Variants in SPATA45 observed in about 807,000 individuals in gnomAD.
SPATA45 encodes spermatogenesis associated 45.
In SPATA45, 5 loss-of-function variants were observed where a neutral mutation model predicts 7.0. The observed-to-expected ratio is 0.71, with a 90% CI of 0.37 to 1.50. The LOEUF is 1.50. SPATA45 is among the 40% of genes most tolerant of loss of function. The pLI, the probability that SPATA45 is intolerant of heterozygous loss-of-function variation, is 0.03. For synonymous variants in SPATA45, 40 were observed against 38.7 expected, an observed-to-expected ratio of 1.03 and a Z score of -0.13; for missense variants, 111 against 114.9, an observed-to-expected ratio of 0.97 and a Z score of 0.16.
intron 1 of SPATA45, among the ~76,000 whole-genome samples, chr1:212,837,313 C>T (rs1173276015): frequency 6.6e-6 from 1 of 151,440 alleles, no homozygotes; most frequent in Non-Finnish European, 1.5e-5. Context: ...GTTACTTTCC[C>T]AATAAGTATC....
At chr1:212,843,928 C>T (rs528993411) in intron 1 of SPATA45, among the ~76,000 whole-genome samples, 1 of 152,182 alleles carries the variant, frequency 6.6e-6, no homozygotes, top group East Asian at 1.9e-4. Flanking sequence ...CTCAATATCT[C>T]CCTCCATTAT....
intron 1 of SPATA45, among the ~76,000 whole-genome samples, chr1:212,844,547 T>G (rs377695607): frequency 1.1e-4 from 17 of 152,272 alleles, no homozygotes; most frequent in African/African-American, 3.8e-4. Flanking sequence ...AGTTCCACCA[T>G]GCCTAATCGC....
At chr1:212,846,440 A>G (rs1202589462) in intron 1 of SPATA45, among the ~76,000 whole-genome samples, 1 of 152,210 alleles carries the variant, frequency 6.6e-6, no homozygotes, top group Non-Finnish European at 1.5e-5. Flanking sequence ...GTACGTATAC[A>G]TCTAGATGGT....
At position 212,836,169 on chromosome 1, in the gene SPATA45, T is replaced by A; in HGVS notation, c.-20A>T. 1.3e-6 allele frequency: 2 copies of A among 1,580,942 alleles called. No homozygotes were observed. The highest frequency in any genetic ancestry group is 1.3e-5 in the African/African-American group (1 of 74,132). On this transcript the variant is annotated 5_prime_UTR_variant, in exon 2 of 3. Coordinates refer to ENST00000332912, the MANE Select transcript of SPATA45 (RefSeq NM_001024601.3). The stretch of plus-strand genomic sequence containing the variant: ...TGCCATTATGGTCACAAACCAATTG[T>A]CAAGTGATTCTTGCTGTCCTACAAA...
At position 212,847,249 on chromosome 1, in the gene SPATA45, G is replaced by A. The variant is rs192238595; in HGVS notation, c.-39+331C>T. Among the ~76,000 whole-genome samples the A allele has an allele frequency of 7.9e-5, 12 of 152,210 alleles. 1 individual carries two copies. The East Asian group carries it at 9.6e-4, about 12-fold the overall frequency. On this transcript the variant is annotated intron_variant, in intron 1 of 2. Transcript: ENST00000332912. ...TAGATCCTCATTACTCATTGATTAC[G>A]TATTTGCAAATTTGGCTACTCCCTA... is the stretch of plus-strand genomic sequence containing the variant.
rs532142083 is a variant in SPATA45 at position 212,841,738 on chromosome 1, G to A, written c.-38-5551C>T. 2.7e-4 allele frequency among the ~76,000 whole-genome samples: 41 copies of A among 150,806 alleles called. No individual in the cohort carries two copies. In the South Asian group the frequency reaches 8.1e-3, roughly 30 times the overall value. The stretch of plus-strand genomic sequence containing the variant: ...AAATAAAATAATAAAAAATAAAAAG[G>A]TCAGTTTGTCAAGTGCCTATTTTTG... On this transcript the variant is annotated intron_variant, in intron 1 of 2. Coordinates refer to ENST00000332912, the MANE Select transcript of SPATA45 (RefSeq NM_001024601.3).
At chr1:212,846,130 T>C (rs551838106) in intron 1 of SPATA45, among the ~76,000 whole-genome samples, 19 of 152,218 alleles carry the variant, frequency 1.2e-4, no homozygotes, top group African/African-American at 4.6e-4. Flanking sequence ...CAAAACCACA[T>C]CCAGGTCATC....
Position 212,830,150 on chromosome 1 carries a change from G to T in SPATA45, c.*92C>A. 1.1e-6 allele frequency: 1 copy of T among 938,426 alleles called. No individual in the cohort carries two copies. Among genetic ancestry groups the T allele is most frequent in the South Asian group, 1.6e-5 (1 of 61,976 alleles). The allele number at this position is 938,426 out of a possible 1,614,324, so 58.1% of individuals were successfully genotyped here. A position where few individuals can be genotyped will look rare whatever the true frequency, so the allele number is the denominator to read the frequency against. ...GGGATCTAGTGAATACTTTTGTTTAGCTTTGTTTATAATTAATAATTTGTA... is the reference window on the plus strand; with the variant it reads ...GGGATCTAGTGAATACTTTTGTTTATCTTTGTTTATAATTAATAATTTGTA... On this transcript the variant is annotated 3_prime_UTR_variant, in exon 3 of 3. Coordinates refer to ENST00000332912, the MANE Select transcript of SPATA45 (RefSeq NM_001024601.3).
intron 2 of SPATA45, among the ~76,000 whole-genome samples, chr1:212,831,473 TAA>T (rs200413225): frequency 5.7e-4 from 69 of 121,354 alleles, no homozygotes; most frequent in Non-Finnish European, 6.4e-4. Flanking sequence ...ACTCTGCCTC[TAA>T]AAAAAAAAAA....
At chr1:212,841,363 CA>C (rs1663680432) in intron 1 of SPATA45, among the ~76,000 whole-genome samples, 1 of 152,114 alleles carries the variant, frequency 6.6e-6, no homozygotes, top group Non-Finnish European at 1.5e-5. Flanking sequence ...AGGGTTTCAA[CA>C]TGTTGCCCAG....
intron 1 of SPATA45, among the ~76,000 whole-genome samples, chr1:212,837,620 G>A (rs966621578): frequency 6.6e-6 from 1 of 150,688 alleles, no homozygotes; most frequent in African/African-American, 2.4e-5. Context: ...GCGACAGTGT[G>A]AGACTCTGTC....
intron 2 of SPATA45, among the ~76,000 whole-genome samples, chr1:212,832,299 C>T (rs923152885): frequency 5.3e-5 from 8 of 149,612 alleles, no homozygotes; most frequent in African/African-American, 1.7e-4. Context: ...CCACTGTGCC[C>T]GGCTGAAATG....
intron 1 of SPATA45, among the ~76,000 whole-genome samples, chr1:212,836,642 C>CT (rs201625550): frequency 0.061 from 9,029 of 148,984 alleles, 437 homozygotes; most frequent in African/African-American, 0.07. Flanking sequence ...GCACACCTCA[C>CT]TTTTTTTTTA....
chr1:212,845,965 A>C (rs1663785302), intron 1 of SPATA45, among the ~76,000 whole-genome samples: 1 of 152,048 alleles, frequency 6.6e-6, no homozygotes, highest in Non-Finnish European at 1.5e-5. Context: ...GAGCCCAAAA[A>C]CTCACCAACC....
At chr1:212,845,601 C>T (rs1049499951) in intron 1 of SPATA45, among the ~76,000 whole-genome samples, 1 of 152,114 alleles carries the variant, frequency 6.6e-6, no homozygotes, top group African/African-American at 2.4e-5. Context: ...ACCCTTAAGT[C>T]TCTGTTTAAG....
chr1:212,830,262 C>T lies in SPATA45; in HGVS notation c.278-1G>A. The T allele has an allele frequency of 6.6e-7, 1 of 1,510,138 alleles. No individual in the cohort carries two copies. Among genetic ancestry groups the T allele is most frequent in the Non-Finnish European group, 9.1e-7 (1 of 1,098,442 alleles). The allele number at this position is 1,510,138 out of a possible 1,614,324, so 93.5% of individuals were successfully genotyped here. On this transcript the variant is annotated splice_acceptor_variant, in intron 2 of 2. Transcript: ENST00000332912. LOFTEE classifies it high-confidence loss of function. ...GCACTTTATCCAAATATGGCATTAT[C>T]TGAAAAAATAAAAAATAAAAAGTAT...
intron 1 of SPATA45, among the ~76,000 whole-genome samples, chr1:212,841,301 A>G (rs1663679825): frequency 6.6e-6 from 1 of 151,968 alleles, no homozygotes; most frequent in Non-Finnish European, 1.5e-5. Context: ...TGGGACCACC[A>G]CAAGTGCGCA....
At chr1:212,831,309 A>G (rs1303197553) in intron 2 of SPATA45, among the ~76,000 whole-genome samples, 1 of 151,204 alleles carries the variant, frequency 6.6e-6, no homozygotes, top group Non-Finnish European at 1.5e-5. Flanking sequence ...ACTCTATTAA[A>G]AAAATACAAA....
chr1:212,838,945 C>T (rs1663633252), intron 1 of SPATA45, among the ~76,000 whole-genome samples: 2 of 151,170 alleles, frequency 1.3e-5, no homozygotes, highest in Non-Finnish European at 3.0e-5. Flanking sequence ...TCAAGGGATC[C>T]TCCTGCCTTG....
Sources: gnomAD v4.1 joint callset for allele counts (sites outside exome capture counted in the v4.1 genomes callset) on GRCh38, gnomAD v4.1.1 for gene constraint, MANE v1.5 for transcripts, NCBI Gene and HGNC (gene_info 2026-07-23, HGNC 2026-07-21) for gene names.